Variants in BACH2 observed in about 807,000 individuals in gnomAD.
The protein encoded by BACH2 is BACH transcriptional regulator 2, also known as transcription regulator protein BACH2.
BACH2 carries 5 observed loss-of-function variants against 61.8 expected under a neutral mutation model. That is an observed-to-expected ratio of 0.08 (90% CI 0.04 to 0.17). The LOEUF (loss-of-function observed/expected upper bound fraction) is 0.17. Among genes scored for constraint, BACH2 ranks in the 10% least tolerant of loss-of-function variants. The pLI, the probability that BACH2 is intolerant of heterozygous loss-of-function variation, is 1.00. For missense variants in BACH2, 824 were observed against 1,091.1 expected, an observed-to-expected ratio of 0.76 and a Z score of 3.45; for synonymous variants, 446 against 440.1, an observed-to-expected ratio of 1.01 and a Z score of -0.17.
At chr6:90,038,234 G>T (rs1023673702) in intron 5 of BACH2, among the ~76,000 whole-genome samples, 1 of 152,126 alleles carries the variant, frequency 6.6e-6, no homozygotes, top group Admixed American at 6.5e-5. Flanking sequence ...CACAATCAAT[G>T]ATTTTCTTTC....
At chr6:90,184,074 A>C (rs1040658712) in intron 4 of BACH2, among the ~76,000 whole-genome samples, 1 of 152,184 alleles carries the variant, frequency 6.6e-6, no homozygotes, top group Non-Finnish European at 1.5e-5. Context: ...TCGTTCTGAA[A>C]TTATAAAGGG....
chr6:90,198,252 C>T (rs1293678686), intron 4 of BACH2, among the ~76,000 whole-genome samples: 2 of 152,154 alleles, frequency 1.3e-5, no homozygotes, highest in Admixed American at 1.3e-4. Context: ...CCATGGCTTG[C>T]TTGCACCCAC....
rs556781951 is a variant in BACH2 at position 90,296,793 on chromosome 6, CGCTGCT to C, written c.-765_-760del. ...CCCGGGCGTGCACGGCCGCTGCTGC[CGCTGCT>C]GCTGCTGCTGCTGCTGCTGAGGCGG... On this transcript the variant is annotated 5_prime_UTR_variant, in exon 1 of 9. Transcript: ENST00000257749. 0.047 allele frequency: 8,164 copies of C among 173,610 alleles called. 296 individuals are homozygous for C. Among genetic ancestry groups the C allele is most frequent in the Non-Finnish European group, 0.068 (5,843 of 85,334 alleles). 10.8% of individuals were successfully genotyped at this position (173,610 alleles called of 1,614,324 possible). A position where few individuals can be genotyped will look rare whatever the true frequency, so the allele number is the denominator to read the frequency against.
intron 2 of BACH2, among the ~76,000 whole-genome samples, chr6:90,259,564 T>C (rs1462368394): frequency 1.3e-5 from 2 of 152,216 alleles, no homozygotes; most frequent in East Asian, 1.9e-4. Context: ...TGGCTGGGTA[T>C]CAGGGTGATC....
intron 7 of BACH2, among the ~76,000 whole-genome samples, chr6:89,944,259 A>G (rs145480625): frequency 5.9e-5 from 9 of 152,374 alleles, no homozygotes; most frequent in African/African-American, 1.9e-4. Flanking sequence ...GTTGCTATGA[A>G]GAATACAACT....
intron 3 of BACH2, among the ~76,000 whole-genome samples, chr6:90,240,119 A>C (rs188381769): frequency 2.9e-3 from 439 of 152,340 alleles, no homozygotes; most frequent in Admixed American, 8.4e-3. Context: ...TAACAGGTAT[A>C]TCCTAATCTT....
chr6:90,255,817 A>G lies in BACH2; in HGVS notation c.-352-3227T>C, dbSNP rs754622389. On this transcript the variant is annotated intron_variant, in intron 2 of 8. Coordinates refer to ENST00000257749, the MANE Select transcript of BACH2 (RefSeq NM_021813.4). ...CATCTCTCCCTCTGTAAGTCATACTATCTCCGACTGAAGGGTCCAACGTGA... is the reference window on the plus strand; with the variant it reads ...CATCTCTCCCTCTGTAAGTCATACTGTCTCCGACTGAAGGGTCCAACGTGA... Among the ~76,000 whole-genome samples the G allele has an allele frequency of 5.6e-4, 85 of 152,168 alleles. 2 individuals carry two copies. The highest frequency in any genetic ancestry group is 3.1e-3 in the Admixed American group (47 of 15,270).
intron 4 of BACH2, among the ~76,000 whole-genome samples, chr6:90,182,236 TCTCTC>T (rs1259206433): frequency 6.6e-6 from 1 of 152,168 alleles, no homozygotes; most frequent in Non-Finnish European, 1.5e-5. Context: ...TCTCTCTCTC[TCTCTC>T]AAGTAAATTA....
chr6:90,111,719 G>A (rs912513740), intron 4 of BACH2, among the ~76,000 whole-genome samples: 1 of 152,172 alleles, frequency 6.6e-6, no homozygotes, highest in Non-Finnish European at 1.5e-5. Context: ...TTATTACCCT[G>A]ATTGCTCTCA....
intron 2 of BACH2, among the ~76,000 whole-genome samples, chr6:90,266,155 G>A (rs1219358272): frequency 2.0e-5 from 3 of 152,128 alleles, no homozygotes; most frequent in Admixed American, 6.6e-5. Flanking sequence ...TGTTCCTTGC[G>A]GCCACTGCAC....
chr6:90,173,342 G>T (rs1227803976), intron 4 of BACH2, among the ~76,000 whole-genome samples: 1 of 152,074 alleles, frequency 6.6e-6, no homozygotes, highest in East Asian at 1.9e-4. Flanking sequence ...TGTCCACACA[G>T]ACTTGCATGT....
At chr6:90,294,010 T>C (rs1327331270) in intron 1 of BACH2, among the ~76,000 whole-genome samples, 1 of 152,216 alleles carries the variant, frequency 6.6e-6, no homozygotes, top group Non-Finnish European at 1.5e-5. Context: ...AAGTGAATCC[T>C]GATCCCCTCC....
At chr6:90,055,184 G>A (rs999221209) in intron 5 of BACH2, among the ~76,000 whole-genome samples, 4 of 152,160 alleles carry the variant, frequency 2.6e-5, no homozygotes, top group African/African-American at 4.8e-5. Context: ...TGAGCTACAG[G>A]AGGAGCTTTG....
intron 1 of BACH2, among the ~76,000 whole-genome samples, chr6:90,286,980 T>C (rs1772038561): frequency 6.6e-6 from 1 of 152,138 alleles, no homozygotes. Flanking sequence ...TAGAGGGCAG[T>C]TCCCCGCTAG....
intron 5 of BACH2, among the ~76,000 whole-genome samples, chr6:90,076,580 A>G (rs1295244905): frequency 6.6e-6 from 1 of 152,180 alleles, no homozygotes; most frequent in Non-Finnish European, 1.5e-5. Context: ...TATCTTCTGC[A>G]TGGTGCCAAC....
intron 7 of BACH2, among the ~76,000 whole-genome samples, chr6:89,943,474 A>G (rs1773556800): frequency 6.6e-6 from 1 of 151,940 alleles, no homozygotes. Context: ...TTATATAAAT[A>G]TAGCTTTCAT....
chr6:90,093,718 C>T (rs1468297975), intron 4 of BACH2, among the ~76,000 whole-genome samples: 6 of 152,132 alleles, frequency 3.9e-5, no homozygotes, highest in Non-Finnish European at 7.4e-5. Context: ...TATTCACTGC[C>T]CTTCTCCTAG....
At chr6:89,992,993 T>C (rs1258136978) in intron 6 of BACH2, among the ~76,000 whole-genome samples, 1 of 152,084 alleles carries the variant, frequency 6.6e-6, no homozygotes, top group Admixed American at 6.5e-5. Context: ...GATGTCCTTA[T>C]AAGAAGGAGA....
chr6:90,109,129 TTCC>T (rs1368141869), intron 4 of BACH2, among the ~76,000 whole-genome samples: 1 of 152,200 alleles, frequency 6.6e-6, no homozygotes, highest in Non-Finnish European at 1.5e-5. Context: ...CTGCCATTAT[TTCC>T]TCATTTCTCT....
Sources: gnomAD v4.1 joint callset for allele counts (sites outside exome capture counted in the v4.1 genomes callset) on GRCh38, gnomAD v4.1.1 for gene constraint, MANE v1.5 for transcripts, NCBI Gene and HGNC (gene_info 2026-07-23, HGNC 2026-07-21) for gene names.